The following NRXN2 variants were observed in gnomAD, a reference collection of about 807,000 sequenced individuals.
The protein encoded by NRXN2 is neurexin-2-beta.
In NRXN2, 29 loss-of-function variants were observed where a neutral mutation model predicts 128.8. That is an observed-to-expected ratio of 0.23 (90% CI 0.17 to 0.31). NRXN2 has a LOEUF of 0.31. Ranked by LOEUF, NRXN2 falls within the 10% of genes least tolerant of loss-of-function variation. The pLI is 1.00. For synonymous variants in NRXN2, 1,098 were observed against 1,075.2 expected (o/e 1.02, Z -0.41); for missense variants, 1,881 against 2,452.6 (o/e 0.77, Z 4.92).
At chr11:64,703,058 G>A (rs926885466) in intron 2 of NRXN2, among the ~76,000 whole-genome samples, 1 of 150,272 alleles carries the variant, frequency 6.7e-6, no homozygotes, top group African/African-American at 2.4e-5. Context: ...CTAAACAAAG[G>A]AGAGCTAGCC....
At chr11:64,702,856 G>A (rs1379483746) in intron 2 of NRXN2, among the ~76,000 whole-genome samples, 1 of 149,774 alleles carries the variant, frequency 6.7e-6, no homozygotes, top group East Asian at 1.9e-4. Flanking sequence ...CAGACATGGT[G>A]GTGTGCGCCT....
intron 9 of NRXN2, among the ~76,000 whole-genome samples, chr11:64,664,718 G>A (rs556161175): frequency 4.6e-5 from 7 of 152,042 alleles, no homozygotes; most frequent in South Asian, 2.1e-4. Flanking sequence ...GAGGCCGGGC[G>A]CCGTGGCTCA....
intron 12 of NRXN2, among the ~76,000 whole-genome samples, chr11:64,652,986 C>G (rs986354253): frequency 6.8e-6 from 1 of 146,366 alleles, no homozygotes; most frequent in Admixed American, 6.7e-5. Flanking sequence ...AAGAGCAGGG[C>G]GCCCAGCACA....
rs920855036 is a variant in NRXN2 at position 64,623,281 on chromosome 11, G to C, written c.3848-203C>G. 4.2e-6 allele frequency: 4 copies of C among 943,910 alleles called. No individual in the cohort carries two copies. Among genetic ancestry groups the C allele is most frequent in the Admixed American group, 2.9e-5 (1 of 34,206 alleles). The allele number at this position is 943,910 out of a possible 1,614,324, so 58.5% of individuals were successfully genotyped here. On this transcript the variant is annotated intron_variant, in intron 20 of 22. Transcript: ENST00000265459. The surrounding 1 kb of genome is among the most constrained non-coding windows in gnomAD (Gnocchi z 4.9). ...TCAGCCACAGCCCCTAGCCCAGCCA[G>C]GTGGGGACCCCAGAAGGGGAGGGCA...
rs1229517583 is a variant in NRXN2 at position 64,660,604 on chromosome 11, G to C, written c.2186-69C>G. ...AGGCCAGGGGAGGGAGAAGACCAGA[G>C]AATCATTACAAGGGCGAAAAGCCTA... On this transcript the variant is annotated intron_variant, in intron 10 of 22. Transcript: ENST00000265459. The surrounding 1 kb of genome is among the most constrained non-coding windows in gnomAD (Gnocchi z 5.2). The C allele has an allele frequency of 1.9e-6, 3 of 1,594,450 alleles. No individual in the cohort carries two copies. The highest frequency in any genetic ancestry group is 2.6e-6 in the Non-Finnish European group (3 of 1,166,324).
intron 6 of NRXN2, among the ~76,000 whole-genome samples, chr11:64,681,187 A>G (rs1035825640): frequency 3.3e-5 from 5 of 151,834 alleles, no homozygotes; most frequent in Non-Finnish European, 1.5e-5. Context: ...TTCAGTGCTC[A>G]CATGAAGTAG....
rs2042484852 is a variant in NRXN2, at chr11:64,622,366, C to T, written c.4173+387G>A. On this transcript the variant is annotated intron_variant, in intron 21 of 22. Coordinates refer to ENST00000265459, the MANE Select transcript of NRXN2 (RefSeq NM_015080.4). This position sits in a 1 kb window ranked among gnomAD's most constrained non-coding sequence, Gnocchi z 4.3. ...GGTACCATCCATCTCCCACTCTCTG[C>T]CCACACAGAACGCTAGGCATGGCCT... 6.6e-6 allele frequency among the ~76,000 whole-genome samples: 1 copy of T among 152,210 alleles called. No homozygotes were observed. The highest frequency in any genetic ancestry group is 1.9e-4 in the East Asian group (1 of 5,198).
intron 2 of NRXN2, among the ~76,000 whole-genome samples, chr11:64,705,746 C>A (rs570154763): frequency 6.6e-6 from 1 of 151,808 alleles, no homozygotes; most frequent in South Asian, 2.1e-4. Flanking sequence ...TTGTGCCAAG[C>A]CTGCTCCCCT....
Position 64,654,250 on chromosome 11 carries a change from C to T in NRXN2, c.2390-528G>A, listed in dbSNP as rs545515043. ...GGGGTCTGCCCCAGGGCCCCCTTCC[C>T]GAGGCCATACACCTCCCAAAGCCCC... On this transcript the variant is annotated intron_variant, in intron 11 of 22. Transcript: ENST00000265459. 2.6e-5 allele frequency among the ~76,000 whole-genome samples: 4 copies of T among 152,264 alleles called. No homozygotes were observed. In the South Asian group the frequency reaches 6.2e-4, roughly 24 times the overall value.
chr11:64,696,348 A>G (rs1565436184), intron 3 of NRXN2, among the ~76,000 whole-genome samples: 1 of 152,294 alleles, frequency 6.6e-6, no homozygotes, highest in East Asian at 1.9e-4. Flanking sequence ...ATAGGCATAC[A>G]GAAATGTGGG....
intron 1 of NRXN2, among the ~76,000 whole-genome samples, chr11:64,718,855 C>T (rs1394066075): frequency 6.6e-6 from 1 of 152,160 alleles, no homozygotes; most frequent in East Asian, 1.9e-4. Context: ...GACCCCATGC[C>T]TTTCCACACC....
rs2042631213 is a variant in NRXN2 at position 64,623,245 on chromosome 11, G to A, written c.3848-167C>T. ...TGAGGAAGGGGCAGAAAGCCAAAGG[G>A]AAAGTCCTTGTCAGCCACAGCCCCT... On this transcript the variant is annotated intron_variant, in intron 20 of 22. Coordinates refer to ENST00000265459, the MANE Select transcript of NRXN2 (RefSeq NM_015080.4). This position sits in a 1 kb window ranked among gnomAD's most constrained non-coding sequence, Gnocchi z 4.9. The A allele has an allele frequency of 8.2e-7, 1 of 1,217,642 alleles. No homozygotes were observed. Among genetic ancestry groups the A allele is most frequent in the Non-Finnish European group, 1.1e-6 (1 of 898,830 alleles). The allele number at this position is 1,217,642 out of a possible 1,614,324, so 75.4% of individuals were successfully genotyped here.
chr11:64,676,883 A>G (rs902142605), intron 7 of NRXN2, 110 bp downstream of exon 7: 7 of 842,562 alleles, frequency 8.3e-6, no homozygotes, highest in Non-Finnish European at 1.4e-5. Flanking sequence ...CAATTGGAAG[A>G]GCAAAACAAC....
chr11:64,664,219 G>C (rs899564326), intron 9 of NRXN2, among the ~76,000 whole-genome samples: 2 of 152,002 alleles, frequency 1.3e-5, no homozygotes, highest in Admixed American at 6.6e-5. Flanking sequence ...GCTCACGCCT[G>C]TAATCCCAGC....
intron 9 of NRXN2, among the ~76,000 whole-genome samples, chr11:64,662,789 A>AT (rs574919948): frequency 6.6e-6 from 1 of 151,762 alleles, no homozygotes; most frequent in Non-Finnish European, 1.5e-5. Flanking sequence ...CTCAAAAAAA[A>AT]AAATAAATAA....
chr11:64,688,001 A>G (rs2053295809), intron 5 of NRXN2, among the ~76,000 whole-genome samples: 2 of 152,226 alleles, frequency 1.3e-5, no homozygotes, highest in Non-Finnish European at 2.9e-5. Flanking sequence ...CCCACCCAGA[A>G]GCCATTCCTC....
intron 20 of NRXN2, among the ~76,000 whole-genome samples, chr11:64,624,170 C>T (rs546231277): frequency 6.6e-6 from 1 of 152,246 alleles, no homozygotes; most frequent in East Asian, 1.9e-4. Context: ...CTGGTTAGTG[C>T]CTCGTTAAAG....
At chr11:64,643,352 CGGCCGGGGGAGGGGG>C in intron 17 of NRXN2, 1 of 73,338 alleles carries the variant, frequency 1.4e-5, no homozygotes, top group Non-Finnish European at 1.7e-5. Context: ...AAGGAGGGAG[CGGCCGGGGGAGGGGG>C]GGGCGGGAGA....
chr11:64,685,897 C>G lies in NRXN2; in HGVS notation c.901G>C (p.Asp301His). 6.2e-7 allele frequency: 1 copy of G among 1,614,144 alleles called. No homozygotes were observed. Among genetic ancestry groups the G allele is most frequent in the Non-Finnish European group, 8.5e-7 (1 of 1,180,024 alleles). The change falls in exon 6 of 23, where the codon GAC becomes CAC. Residue 301 changes from aspartate (D) to histidine (H), a missense_variant. By Grantham distance (81) the Asp-to-His change is moderately conservative. Around this residue, in one of 7 missense-constraint regions of NRXN2, gnomAD observed 997 missense variants for 1,240.8 expected, o/e 0.80. Transcript: ENST00000265459. ...CTCTGGATGGGGTTGTGTGACAGGT[C>G]GTAGCAGAAGAACTCATTGCCTTTG... ...TFKGNEFFCY[D>H]LSHNPIQSST...
Sources: allele counts gnomAD v4.1 joint callset (sites outside exome capture counted in the v4.1 genomes callset), GRCh38; gene constraint gnomAD v4.1.1; regional missense constraint gnomAD v4.1.1; non-coding constraint Gnocchi (gnomAD v3.1); transcripts MANE v1.5; gene names NCBI Gene and HGNC (gene_info 2026-07-23, HGNC 2026-07-21).